SIRT1: variants seen among roughly 807,000 people sequenced by gnomAD.
SIRT1 encodes the protein NAD-dependent protein deacetylase sirtuin-1.
A neutral mutation model predicts 67.9 loss-of-function variants in SIRT1; 24 were observed. The ratio of observed to expected loss-of-function variants is 0.35; its 90% CI spans 0.26 to 0.50. The LOEUF (loss-of-function observed/expected upper bound fraction) is 0.50, where lower values mean the gene tolerates loss of function less well. Among genes scored for constraint, SIRT1 ranks in the 20% least tolerant of loss-of-function variants. The probability of loss-of-function intolerance (pLI) is 0.98; values close to 1 mark genes in which losing one functional copy is unlikely to be tolerated. For synonymous variants in SIRT1, 378 were observed against 350.7 expected (o/e 1.08, Z -0.87); for missense variants, 873 against 937.2 (o/e 0.93, Z 0.89).
chr10:67,886,931 G>A (rs938043550), intron 1 of SIRT1, among the ~76,000 whole-genome samples: 2 of 151,712 alleles, frequency 1.3e-5, no homozygotes, highest in African/African-American at 4.8e-5. Flanking sequence ...GAGTGCAATG[G>A]CGTGATCTCG....
chr10:67,906,908 C>T lies in SIRT1; in HGVS notation c.1061C>T (p.Ala354Val), dbSNP rs141528984. ...AACATAGACACGCTGGAACAGGTTG[C>T]GGGAATCCAAAGGATAATTCAGTGT... ...TQNIDTLEQV[A>V]GIQRIIQCHG... The change falls in exon 5 of 9, where the codon GCG (alanine) becomes GTG (valine). Residue 354 changes from alanine (A) to valine (V), a missense_variant. Physicochemically the swap from Ala to Val is moderately conservative, Grantham distance 64. Transcript: ENST00000212015. The T allele has an allele frequency of 3.1e-5, 50 of 1,607,446 alleles. No homozygotes were observed. The highest frequency in any genetic ancestry group is 4.1e-5 in the Non-Finnish European group (48 of 1,177,652).
chr10:67,886,313 C>A (rs113045253), intron 1 of SIRT1, among the ~76,000 whole-genome samples: 16,806 of 151,528 alleles, frequency 0.11, 956 homozygotes, highest in South Asian at 0.15. Context: ...TTGGGTCAGG[C>A]CGGGCGCGGT....
At chr10:67,905,226 A>C (rs1842803483) in intron 4 of SIRT1, among the ~76,000 whole-genome samples, 1 of 152,248 alleles carries the variant, frequency 6.6e-6, no homozygotes, top group Non-Finnish European at 1.5e-5. Flanking sequence ...ACAATGCTTA[A>C]TCTCTCAAAT....
At chr10:67,899,495 A>AG (rs1178702357) in intron 4 of SIRT1, among the ~76,000 whole-genome samples, 1 of 151,930 alleles carries the variant, frequency 6.6e-6, no homozygotes, top group Non-Finnish European at 1.5e-5. Context: ...GAAATCATTC[A>AG]GGGGGAAAAA....
At chr10:67,889,202 T>TAG in intron 3 of SIRT1, 79 bp downstream of exon 3, 1 of 1,446,428 alleles carries the variant, frequency 6.9e-7, no homozygotes, top group African/African-American at 1.4e-5. Context: ...TTTTCTGGTT[T>TAG]AGAAGGATTT....
intron 7 of SIRT1, among the ~76,000 whole-genome samples, chr10:67,911,247 G>A (rs1375750732): frequency 6.6e-6 from 1 of 152,186 alleles, no homozygotes; most frequent in African/African-American, 2.4e-5. Context: ...AGGCTAGAGT[G>A]CAGTGGTGCA....
chr10:67,892,626 T>A (rs1842591553), intron 4 of SIRT1, among the ~76,000 whole-genome samples: 1 of 151,688 alleles, frequency 6.6e-6, no homozygotes, highest in Admixed American at 6.6e-5. Flanking sequence ...TTTTGAGAAG[T>A]AGTCTTCCTT....
intron 4 of SIRT1, among the ~76,000 whole-genome samples, chr10:67,894,691 T>A (rs746606960): frequency 6.6e-6 from 1 of 152,134 alleles, no homozygotes; most frequent in Non-Finnish European, 1.5e-5. Context: ...CCTCTTCTAA[T>A]CCTGTTTATA....
chr10:67,904,619 G>A (rs1433540677), intron 4 of SIRT1, among the ~76,000 whole-genome samples: 2 of 152,102 alleles, frequency 1.3e-5, no homozygotes, highest in African/African-American at 2.4e-5. Context: ...ACCAAGGTGG[G>A]CGGATCACCT....
At chr10:67,900,224 C>A (rs555672682) in intron 4 of SIRT1, among the ~76,000 whole-genome samples, 98 of 152,066 alleles carry the variant, frequency 6.4e-4, no homozygotes, top group Non-Finnish European at 5.9e-5. Context: ...TGGCTCACTG[C>A]AACCTCTGCC....
rs1330804026 is a variant in SIRT1 at position 67,912,792 on chromosome 10, C to G, written c.1676C>G (p.Ala559Gly). The G allele has an allele frequency of 4.3e-6, 7 of 1,614,064 alleles. 1 individual carries two copies. The highest frequency in any genetic ancestry group is 3.3e-5 in the South Asian group (3 of 91,082). Residue 559 changes from alanine (A) to glycine (G), a missense_variant, in exon 8 of 9, where the codon GCA (alanine) becomes GGA (glycine). By Grantham distance (60) the Ala-to-Gly change is moderately conservative. This residue lies in a region of SIRT1 where 295 missense variants were observed against 294.5 expected (regional missense o/e 1.00). Coordinates refer to ENST00000212015, the MANE Select transcript of SIRT1 (RefSeq NM_012238.5). ...SSVIVTLLDQ[A>G]AKSNDDLDVS... Reference sequence around the variant, plus strand: ...GTGATTGTCACACTTTTAGACCAAGCAGCTAAGAGTAATGATGATTTAGAT... The same window carrying G: ...GTGATTGTCACACTTTTAGACCAAGGAGCTAAGAGTAATGATGATTTAGAT...
At chr10:67,914,171 A>T (rs1322326704) in intron 8 of SIRT1, among the ~76,000 whole-genome samples, 1 of 145,618 alleles carries the variant, frequency 6.9e-6, no homozygotes, top group African/African-American at 2.6e-5. Flanking sequence ...TCCCAGGTTC[A>T]AGAGATTCTC....
At chr10:67,900,919 A>G (rs572785093) in intron 4 of SIRT1, among the ~76,000 whole-genome samples, 1 of 152,310 alleles carries the variant, frequency 6.6e-6, no homozygotes, top group East Asian at 1.9e-4. Context: ...TTTTATGGAT[A>G]TATAATAGTT....
rs1350313130 is a variant in SIRT1 at position 67,884,711 on chromosome 10, G to A, written c.-11G>A. On this transcript the variant is annotated 5_prime_UTR_variant, in exon 1 of 9. Transcript: ENST00000212015. Reference sequence around the variant, plus strand: ...GAGGCGAGGGAGGAGGGCCAGAGAGGCAGTTGGAAGATGGCGGACGAGGCG... The same window carrying A: ...GAGGCGAGGGAGGAGGGCCAGAGAGACAGTTGGAAGATGGCGGACGAGGCG... 5.7e-6 allele frequency: 7 copies of A among 1,228,812 alleles called. No individual in the cohort carries two copies. The highest frequency in any genetic ancestry group is 1.6e-5 in the African/African-American group (1 of 64,182). The allele number at this position is 1,228,812 out of a possible 1,614,324, so 76.1% of individuals were successfully genotyped here. A position where few individuals can be genotyped will look rare whatever the true frequency, so the allele number is the denominator to read the frequency against.
intron 2 of SIRT1, among the ~76,000 whole-genome samples, chr10:67,888,257 ATTAT>A (rs2131847766): frequency 2.0e-5 from 3 of 152,282 alleles, no homozygotes; most frequent in Middle Eastern, 6.8e-3. Context: ...AAATGGCTTG[ATTAT>A]TTAAACATAG....
At chr10:67,904,844 CAA>C (rs34104914) in intron 4 of SIRT1, among the ~76,000 whole-genome samples, 10 of 127,304 alleles carry the variant, frequency 7.9e-5, no homozygotes, top group Admixed American at 1.6e-4. Context: ...AACTCTGTCT[CAA>C]AAAAAAAAAA....
rs201948258 is a variant in SIRT1, at chr10:67,912,525, C to G, written c.1409C>G (p.Pro470Arg). 1 of 1,613,968 alleles carries G rather than the reference C, an allele frequency of 6.2e-7. No individual in the cohort carries two copies. The highest frequency in any genetic ancestry group is 8.5e-7 in the Non-Finnish European group (1 of 1,180,018). ...PQILINREPL[P>R]HLHFDVELLG... Reference sequence around the variant, plus strand: ...ATATTAATTAATAGAGAACCTTTGCCTCATCTGCATTTTGATGTAGAGCTT... The same window carrying G: ...ATATTAATTAATAGAGAACCTTTGCGTCATCTGCATTTTGATGTAGAGCTT... The change falls in exon 8 of 9, where the codon CCT becomes CGT. Residue 470 changes from proline (P) to arginine (R), a missense_variant. Pro to Arg is a moderately radical substitution (Grantham distance 103, BLOSUM62 -2). Around this residue, in one of 3 missense-constraint regions of SIRT1, gnomAD observed 251 missense variants for 358.8 expected, o/e 0.70. Transcript: ENST00000212015.
intron 2 of SIRT1, among the ~76,000 whole-genome samples, chr10:67,888,069 T>C (rs1842514054): frequency 6.6e-6 from 1 of 152,252 alleles, no homozygotes. Flanking sequence ...GACTGACTTG[T>C]ATACTCCTGT....
Position 67,916,769 on chromosome 10 carries a change from C to T in SIRT1, c.*176C>T, listed in dbSNP as rs933811025. 5 of 429,826 alleles carry T rather than the reference C, an allele frequency of 1.2e-5. No homozygotes were observed. The highest frequency in any genetic ancestry group is 1.3e-4 in the South Asian group (2 of 15,344). The allele number at this position is 429,826 out of a possible 1,614,324, so 26.6% of individuals were successfully genotyped here. ...AATTTTTAACTTCATTATTTCTGTA[C>T]TTGTACAAACTCAACACTAACTTTT... On this transcript the variant is annotated 3_prime_UTR_variant, in exon 9 of 9. Transcript: ENST00000212015.
Sources: allele counts gnomAD v4.1 joint callset (sites outside exome capture counted in the v4.1 genomes callset), GRCh38; gene constraint gnomAD v4.1.1; regional missense constraint gnomAD v4.1.1; transcripts MANE v1.5; gene names NCBI Gene and HGNC (gene_info 2026-07-23, HGNC 2026-07-21).